Variants in KANSL1 observed in about 807,000 individuals in gnomAD.
The protein encoded by KANSL1 is MLL1/MLL complex subunit KANSL1.
KANSL1 carries 22 observed loss-of-function variants against 103.6 expected under a neutral mutation model. That is an observed-to-expected ratio of 0.21 (90% CI 0.15 to 0.30). The LOEUF (loss-of-function observed/expected upper bound fraction) is 0.30. Among genes scored for constraint, KANSL1 ranks in the 10% least tolerant of loss-of-function variants. The pLI, the probability that KANSL1 is intolerant of heterozygous loss-of-function variation, is 1.00. For missense variants in KANSL1, 1,337 were observed against 1,399.8 expected (o/e 0.96, Z 0.72); for synonymous variants, 600 against 527.6 (o/e 1.14, Z -1.88).
rs781056926 is a variant in KANSL1, at chr17:46,032,081, C to T, written c.3056G>A (p.Arg1019His). 21 of 1,614,166 alleles carry T rather than the reference C, an allele frequency of 1.3e-5. No homozygotes were observed. Among genetic ancestry groups the T allele is most frequent in the Admixed American group, 1.0e-4 (6 of 60,026 alleles). ...CAGCCCCAGCTCTGGTGTGGAACAA[C>T]GGGTATCCTCACTGGCTAAGTGTCG... ...TPRHLASEDT[R>H]CSTPELGLDE... is the part of the protein sequence containing the mutation. Residue 1019 changes from arginine (R) to histidine (H), a missense_variant, in exon 14 of 15, where the codon CGT becomes CAT. Physicochemically the swap from Arg to His is conservative, Grantham distance 29 (BLOSUM62 0). Around this residue, in one of 2 missense-constraint regions of KANSL1, gnomAD observed 780 missense variants for 923.4 expected, o/e 0.84. Coordinates refer to ENST00000432791, the MANE Select transcript of KANSL1 (RefSeq NM_015443.4).
intron 2 of KANSL1, among the ~76,000 whole-genome samples, chr17:46,110,777 T>C (rs1335796104): frequency 6.6e-6 from 1 of 151,926 alleles, no homozygotes; most frequent in Non-Finnish European, 1.5e-5. Flanking sequence ...TGCTGAGTTC[T>C]GAAAGGAGAG....
intron 2 of KANSL1, among the ~76,000 whole-genome samples, chr17:46,115,447 A>G (rs113446197): frequency 2.6e-5 from 4 of 151,584 alleles, no homozygotes; most frequent in Non-Finnish European, 5.9e-5. Context: ...AAAGCTATCG[A>G]GTGTCAACAG....
intron 4 of KANSL1, among the ~76,000 whole-genome samples, chr17:46,069,887 C>T (rs1328356171): frequency 2.6e-5 from 4 of 151,932 alleles, no homozygotes; most frequent in Admixed American, 2.6e-4. Context: ...AATGAGTGAA[C>T]ACCGAGAAAA....
intron 2 of KANSL1, among the ~76,000 whole-genome samples, chr17:46,155,030 A>G (rs1356838717): frequency 6.6e-6 from 1 of 152,218 alleles, no homozygotes; most frequent in East Asian, 1.9e-4. Context: ...AAAATATGCT[A>G]TAAAATAGTA....
At chr17:46,154,732 G>C (rs1225140778) in intron 2 of KANSL1, among the ~76,000 whole-genome samples, 1 of 152,200 alleles carries the variant, frequency 6.6e-6, no homozygotes, top group Admixed American at 6.5e-5. Context: ...CTTAGAGCTG[G>C]GACAAAGAAA....
chr17:46,130,047 A>G (rs1004970192), intron 2 of KANSL1, among the ~76,000 whole-genome samples: 3 of 134,382 alleles, frequency 2.2e-5, no homozygotes, highest in Non-Finnish European at 5.3e-5. Context: ...TTAGCCAGGT[A>G]TGGTGGCATG....
intron 9 of KANSL1, 166 bp downstream of exon 9, chr17:46,038,861 G>T: frequency 8.9e-7 from 1 of 1,117,502 alleles, no homozygotes; most frequent in Non-Finnish European, 1.3e-6. Flanking sequence ...AGAGGTTGCT[G>T]TAGCAGTTAA....
chr17:46,096,911 C>G (rs2042113304), intron 2 of KANSL1, among the ~76,000 whole-genome samples: 1 of 152,210 alleles, frequency 6.6e-6, no homozygotes, highest in African/African-American at 2.4e-5. Flanking sequence ...GCCACTGAGC[C>G]TAGCCCCACT....
intron 4 of KANSL1, among the ~76,000 whole-genome samples, chr17:46,077,242 G>A (rs1295032914): frequency 2.6e-5 from 4 of 152,134 alleles, no homozygotes; most frequent in Non-Finnish European, 5.9e-5. Context: ...TTGTAGAGAT[G>A]GGGTTTCGTC....
At chr17:46,121,415 C>G (rs1007801607) in intron 2 of KANSL1, 2 of 152,312 alleles carry the variant, frequency 1.3e-5, no homozygotes, top group African/African-American at 4.8e-5. Context: ...CGGATTACTT[C>G]AGGCAGTCTC....
chr17:46,105,332 T>G (rs575649640), intron 2 of KANSL1, among the ~76,000 whole-genome samples: 1 of 152,282 alleles, frequency 6.6e-6, no homozygotes, highest in South Asian at 2.1e-4. Context: ...AGAGATTGCT[T>G]GAGGCCGAGC....
At chr17:46,207,608 T>A (rs1213770071) in intron 1 of KANSL1, among the ~76,000 whole-genome samples, 2 of 151,500 alleles carry the variant, frequency 1.3e-5, no homozygotes, top group Non-Finnish European at 2.9e-5. Context: ...TGTATAAAAA[T>A]AAAATTAAAA....
At chr17:46,174,950 C>T (rs1223755060) in intron 1 of KANSL1, among the ~76,000 whole-genome samples, 1 of 152,186 alleles carries the variant, frequency 6.6e-6, no homozygotes, top group Non-Finnish European at 1.5e-5. Context: ...GCCGCCATGC[C>T]CAGCCTGAAT....
intron 2 of KANSL1, among the ~76,000 whole-genome samples, chr17:46,143,739 G>A (rs1567724661): frequency 1.4e-5 from 2 of 146,408 alleles, no homozygotes; most frequent in African/African-American, 2.6e-5. Flanking sequence ...AGGAGGCAGA[G>A]CTTGCAGTGA....
At chr17:46,052,516 A>C (rs2077744946) in intron 6 of KANSL1, among the ~76,000 whole-genome samples, 1 of 152,006 alleles carries the variant, frequency 6.6e-6, no homozygotes. Flanking sequence ...GAGGCAGGAG[A>C]ATCGCTTGAA....
At chr17:46,172,530 T>A (rs1194770893) in intron 1 of KANSL1, among the ~76,000 whole-genome samples, 1 of 152,002 alleles carries the variant, frequency 6.6e-6, no homozygotes, top group Non-Finnish European at 1.5e-5. Context: ...ATTGTTAAAA[T>A]TAAATCATCT....
intron 1 of KANSL1, among the ~76,000 whole-genome samples, chr17:46,216,822 G>A (rs1166191708): frequency 1.3e-5 from 2 of 151,874 alleles, no homozygotes; most frequent in African/African-American, 4.8e-5. Context: ...AGTACTCCAG[G>A]GGCCTGGGCA....
intron 4 of KANSL1, among the ~76,000 whole-genome samples, chr17:46,080,031 G>A (rs1018216125): frequency 2.6e-5 from 4 of 151,750 alleles, no homozygotes; most frequent in African/African-American, 9.7e-5. Flanking sequence ...GAGACAGAGA[G>A]AGAGAGAAAG....
chr17:46,113,991 C>A (rs2042934279), intron 2 of KANSL1, among the ~76,000 whole-genome samples: 1 of 152,106 alleles, frequency 6.6e-6, no homozygotes, highest in South Asian at 2.1e-4. Context: ...CAAAATGGGG[C>A]CCAAAGGATT....
Sources: gnomAD v4.1 joint callset for allele counts (sites outside exome capture counted in the v4.1 genomes callset) on GRCh38, gnomAD v4.1.1 for gene constraint, gnomAD v4.1.1 regional missense constraint, MANE v1.5 for transcripts, NCBI Gene and HGNC (gene_info 2026-07-23, HGNC 2026-07-21) for gene names.